TCP10L: variants seen among roughly 807,000 people sequenced by gnomAD.
The protein encoded by TCP10L is T-complex protein 10A homolog 1.
In TCP10L, 11 loss-of-function variants were observed where a neutral mutation model predicts 19.2. The ratio of observed to expected loss-of-function variants is 0.57; its 90% confidence interval spans 0.36 to 0.95. The LOEUF (loss-of-function observed/expected upper bound fraction) is 0.95, where lower values mean the gene tolerates loss of function less well. Among genes scored for constraint, TCP10L ranks in the 40% least tolerant of loss-of-function variants. TCP10L has a pLI of 0.01. For synonymous variants in TCP10L, 96 were observed against 97.2 expected (o/e 0.99, Z 0.07); for missense variants, 247 against 263.9 (o/e 0.94, Z 0.44).
intron 4 of TCP10L, 39 bp from the exon 5 acceptor site, chr21:32,576,962 A>G: frequency 1.9e-6 from 3 of 1,578,658 alleles, no homozygotes; most frequent in Non-Finnish European, 2.6e-6. Context: ...ATTAGTAACA[A>G]TTATATTATT....
In TCP10L at chr21:32,582,301, T is replaced by A. The variant is rs200181051; in HGVS notation, c.259A>T (p.Met87Leu). 2.5e-6 allele frequency: 4 copies of A among 1,614,192 alleles called. No homozygotes were observed. Among genetic ancestry groups the A allele is most frequent in the Non-Finnish European group, 3.4e-6 (4 of 1,180,034 alleles). The change falls in exon 3 of 5, where the codon ATG becomes TTG. Residue 87 changes from methionine (M) to leucine (L), a missense_variant. Met to Leu is a conservative substitution (Grantham distance 15). Coordinates refer to ENST00000300258, the MANE Select transcript of TCP10L (RefSeq NM_144659.7). This position sits in a 1 kb window ranked among gnomAD's most constrained non-coding sequence, Gnocchi z 4.2. Reference protein sequence around the residue: ...SHIDALREQNMELREKLRALQ... With the variant: ...SHIDALREQNLELREKLRALQ... ...GCTCTCAGCTTTTCTCGGAGCTCCA[T>A]GTTCTGCTCCCTCAAAGCATCTATA...
chr21:32,582,228 G>C lies in TCP10L; in HGVS notation c.332C>G (p.Pro111Arg). 6.2e-7 allele frequency: 1 copy of C among 1,614,164 alleles called. No homozygotes were observed. Among genetic ancestry groups the C allele is most frequent in the Non-Finnish European group, 8.5e-7 (1 of 1,180,030 alleles). Residue 111 changes from proline to arginine, a missense_variant, in exon 3 of 5, where the codon CCA becomes CGA. Pro to Arg is a moderately radical substitution (Grantham distance 103). Coordinates refer to ENST00000300258, the MANE Select transcript of TCP10L (RefSeq NM_144659.7). This position sits in a 1 kb window ranked among gnomAD's most constrained non-coding sequence, Gnocchi z 4.2. ...AGTGTGCGATTCTTGCCCCGCGTGT[G>C]GGGACGCTGCAGATTTCTTCCTGGC... is the stretch of plus-strand genomic sequence containing the variant. The part of the protein sequence containing the change: ...WKARKKSAAS[P>R]HAGQESHTLA...
intron 2 of TCP10L, among the ~76,000 whole-genome samples, chr21:32,583,521 G>A (rs2058083182): frequency 2.0e-5 from 3 of 150,466 alleles, no homozygotes; most frequent in Middle Eastern, 3.4e-3. Context: ...CCCGGGAGGC[G>A]GAGCTTGCAG....
At chr21:32,584,640 G>A (rs1268589987) in intron 1 of TCP10L, among the ~76,000 whole-genome samples, 1 of 152,132 alleles carries the variant, frequency 6.6e-6, no homozygotes, top group Non-Finnish European at 1.5e-5. Flanking sequence ...TGAGTGGGTT[G>A]TGAGCAGGAT....
intron 2 of TCP10L, among the ~76,000 whole-genome samples, chr21:32,583,359 G>A (rs2038518078): frequency 6.6e-6 from 1 of 151,902 alleles, no homozygotes; most frequent in Admixed American, 6.6e-5. Flanking sequence ...GGAGGCCGAG[G>A]CGGGCGGATC....
Position 32,584,297 on chromosome 21 carries a change from G to A in TCP10L, c.8C>T (p.Ala3Val). 6.2e-7 allele frequency: 1 copy of A among 1,613,424 alleles called. No individual in the cohort carries two copies. The highest frequency in any genetic ancestry group is 8.5e-7 in the Non-Finnish European group (1 of 1,179,640). Reference sequence around the variant, plus strand: ...GGGGTCCCTGGCCTCGAGTTGACCTGCCAGCATCCTGGTTGGGAAGGGAAG... The same window carrying A: ...GGGGTCCCTGGCCTCGAGTTGACCTACCAGCATCCTGGTTGGGAAGGGAAG... ML[A>V]GQLEARDPKE... The change falls in exon 2 of 5, where the codon GCA becomes GTA. Residue 3 changes from alanine (A) to valine (V), a missense_variant. Transcript: ENST00000300258.
chr21:32,581,223 G>C (rs184669481), intron 3 of TCP10L, among the ~76,000 whole-genome samples: 468 of 152,308 alleles, frequency 3.1e-3, no homozygotes, highest in African/African-American at 0.011. Flanking sequence ...GGTGGTCAGG[G>C]GAGAGCCCGG....
chr21:32,583,588 CAAAAA>C (rs771224269), intron 2 of TCP10L, among the ~76,000 whole-genome samples: 6,303 of 82,532 alleles, frequency 0.076, 157 homozygotes, highest in South Asian at 0.13. Context: ...GACTCCGTCT[CAAAAA>C]AAAAAAAAAA....
intron 3 of TCP10L, among the ~76,000 whole-genome samples, chr21:32,581,928 A>G (rs1266470393): frequency 6.6e-6 from 1 of 152,190 alleles, no homozygotes; most frequent in African/African-American, 2.4e-5. Flanking sequence ...GTCCTGAGAC[A>G]TCATGAGATG....
Position 32,582,241 on chromosome 21 carries a change from AT to A in TCP10L, c.318del (p.Lys106AsnfsTer63), listed in dbSNP as rs1351222429. 12 of 1,613,896 alleles carry A rather than the reference AT, an allele frequency of 7.4e-6. No homozygotes were observed. In the Admixed American group the frequency reaches 2.0e-4, roughly 27 times the overall value. On this transcript the variant is annotated frameshift_variant, in exon 3 of 5. Coordinates refer to ENST00000300258, the MANE Select transcript of TCP10L (RefSeq NM_144659.7). LOFTEE classifies it high-confidence loss of function. The surrounding 1 kb of genome is among the most constrained non-coding windows in gnomAD (Gnocchi z 4.2). The part of the protein sequence containing the change: ...LQLQRWKARK[K>X]SAASPHAGQE... The stretch of plus-strand genomic sequence containing the variant: ...TGCCCCGCGTGTGGGGACGCTGCAG[AT>A]TTCTTCCTGGCTTTCCACCGCTGCA...
rs546927434 is a variant in TCP10L, at chr21:32,585,405, G to C, written c.-2+16C>G. The C allele has an allele frequency of 5.8e-6, 1 of 171,408 alleles. No homozygotes were observed. The highest frequency in any genetic ancestry group is 1.8e-4 in the East Asian group (1 of 5,446). The allele number at this position is 171,408 out of a possible 1,614,324, so 10.6% of individuals were successfully genotyped here. ...ACCCTTTCCTTCAGCCCCACCACCA[G>C]ACCTCGTCACCTCACCTGGTCCCCA... On this transcript the variant is annotated intron_variant, in intron 1 of 4. Coordinates refer to ENST00000300258, the MANE Select transcript of TCP10L (RefSeq NM_144659.7).
intron 4 of TCP10L, chr21:32,577,339 C>T (rs544087099): frequency 1.6e-4 from 27 of 169,578 alleles, no homozygotes; most frequent in Non-Finnish European, 2.8e-4. Context: ...GAGAAGTCCG[C>T]GTCTCACAGG....
At position 32,578,705 on chromosome 21, in the gene TCP10L, C is replaced by T; in HGVS notation, c.487G>A (p.Ala163Thr). 6.2e-7 allele frequency: 1 copy of T among 1,613,910 alleles called. No individual in the cohort carries two copies. The highest frequency in any genetic ancestry group is 8.5e-7 in the Non-Finnish European group (1 of 1,179,978). The part of the protein sequence containing the change: ...LGQRSSSNNS[A>T]PPKPMSLKIE... Reference sequence around the variant, plus strand: ...GCACAAAGGGTCACCTTTGGAGGAGCTGAATTGTTAGATGACGATCTTTGT... The same window carrying T: ...GCACAAAGGGTCACCTTTGGAGGAGTTGAATTGTTAGATGACGATCTTTGT... The change falls in exon 4 of 5, where the codon GCT becomes ACT. Residue 163 changes from alanine to threonine, a missense_variant. Transcript: ENST00000300258. The surrounding 1 kb of genome is among the most constrained non-coding windows in gnomAD (Gnocchi z 4.2).
At position 32,578,547 on chromosome 21, in the gene TCP10L, A is replaced by T; in HGVS notation, c.498+147T>A. On this transcript the variant is annotated intron_variant, in intron 4 of 4. Coordinates refer to ENST00000300258, the MANE Select transcript of TCP10L (RefSeq NM_144659.7). This position sits in a 1 kb window ranked among gnomAD's most constrained non-coding sequence, Gnocchi z 4.2. ...TTAGGATCTTGTTTGAAAGGCATGT[A>T]CCCGTGTCCTTGGAAGAACACAGGA... The T allele has an allele frequency of 8.2e-7, 1 of 1,222,266 alleles. No individual in the cohort carries two copies. Among genetic ancestry groups the T allele is most frequent in the Non-Finnish European group, 1.1e-6 (1 of 871,102 alleles). The allele number at this position is 1,222,266 out of a possible 1,614,324, so 75.7% of individuals were successfully genotyped here. A position where few individuals can be genotyped will look rare whatever the true frequency, so the allele number is the denominator to read the frequency against.
At chr21:32,584,601 G>A (rs1390181193) in intron 1 of TCP10L, among the ~76,000 whole-genome samples, 1 of 152,180 alleles carries the variant, frequency 6.6e-6, no homozygotes, top group East Asian at 1.9e-4. Context: ...AGGGGTGTGA[G>A]TGGGGTGTGA....
At position 32,576,231 on chromosome 21, in the gene TCP10L, C is replaced by A; in HGVS notation, c.*543G>T. ...GCTCACCAGCTCCTCCGGCTGCTGC[C>A]ATCTGCTCCTGCAGCATGGCGGCCT... On this transcript the variant is annotated 3_prime_UTR_variant, in exon 5 of 5. Transcript: ENST00000300258. The A allele has an allele frequency of 6.5e-7, 1 of 1,538,806 alleles. No individual in the cohort carries two copies. Among genetic ancestry groups the A allele is most frequent in the South Asian group, 1.2e-5 (1 of 85,918 alleles).
At position 32,573,731 on chromosome 21, in the gene TCP10L, G is replaced by A. The variant is rs1219414318; in HGVS notation, c.*3043C>T. Among the ~76,000 whole-genome samples the A allele has an allele frequency of 1.3e-5, 2 of 152,170 alleles. No individual in the cohort carries two copies. ...AGTCAGCACCAGGAATTTGGACCAT[G>A]TTTTGTGTTTTATTAAAGTGGTTAT... On this transcript the variant is annotated 3_prime_UTR_variant, in exon 5 of 5. Transcript: ENST00000300258.
Position 32,582,104 on chromosome 21 carries a change from G to A in TCP10L, c.360+96C>T. On this transcript the variant is annotated intron_variant, in intron 3 of 4. Coordinates refer to ENST00000300258, the MANE Select transcript of TCP10L (RefSeq NM_144659.7). The surrounding 1 kb of genome is among the most constrained non-coding windows in gnomAD (Gnocchi z 4.2). Reference sequence around the variant, plus strand: ...CCCTCCCACCACCCGGAGCGTGAGTGATACCGCGTCATTCAGCAATAAAGC... The same window carrying A: ...CCCTCCCACCACCCGGAGCGTGAGTAATACCGCGTCATTCAGCAATAAAGC... 1 of 1,384,340 alleles carries A rather than the reference G, an allele frequency of 7.2e-7. No homozygotes were observed. Among genetic ancestry groups the A allele is most frequent in the South Asian group, 1.3e-5 (1 of 75,484 alleles). 85.8% of individuals were successfully genotyped at this position (1,384,340 alleles called of 1,614,324 possible). A position where few individuals can be genotyped will look rare whatever the true frequency, so the allele number is the denominator to read the frequency against.
At position 32,576,548 on chromosome 21, in the gene TCP10L, T is replaced by C; in HGVS notation, c.*226A>G. 1.6e-6 allele frequency: 1 copy of C among 620,146 alleles called. No homozygotes were observed. Among genetic ancestry groups the C allele is most frequent in the Non-Finnish European group, 2.7e-6 (1 of 366,870 alleles). The allele number at this position is 620,146 out of a possible 1,614,324, so 38.4% of individuals were successfully genotyped here. A position where few individuals can be genotyped will look rare whatever the true frequency, so the allele number is the denominator to read the frequency against. On this transcript the variant is annotated 3_prime_UTR_variant, in exon 5 of 5. Coordinates refer to ENST00000300258, the MANE Select transcript of TCP10L (RefSeq NM_144659.7). The stretch of plus-strand genomic sequence containing the variant: ...CTACAGAGCTCAGGAAAGCAACTGA[T>C]TTATAAAACCCAATCCAAGTTGTTT...
Sources: allele counts gnomAD v4.1 joint callset (sites outside exome capture counted in the v4.1 genomes callset), GRCh38; gene constraint gnomAD v4.1.1; non-coding constraint Gnocchi (gnomAD v3.1); transcripts MANE v1.5; gene names NCBI Gene and HGNC (gene_info 2026-07-23, HGNC 2026-07-21).